Variants in TRAF2 observed in about 807,000 individuals in gnomAD.
TRAF2 encodes the protein TNF receptor associated factor 2.
TRAF2 carries 6 observed loss-of-function variants against 55.6 expected under a neutral mutation model. That is an observed-to-expected ratio of 0.11 (90% CI 0.06 to 0.21). TRAF2 has a LOEUF of 0.21. Ranked by LOEUF, TRAF2 falls within the 10% of genes least tolerant of loss-of-function variation. The probability of loss-of-function intolerance (pLI) is 1.00; values close to 1 mark genes in which losing one functional copy is unlikely to be tolerated. For missense variants in TRAF2, 561 were observed against 684.5 expected (o/e 0.82, Z 2.01); for synonymous variants, 329 against 276.3 (o/e 1.19, Z -1.89).
At position 136,922,840 on chromosome 9, in the gene TRAF2, G is replaced by A. The variant is rs539655505; in HGVS notation, c.1139-1012G>A. Among the ~76,000 whole-genome samples, 49 of 145,016 alleles carry A rather than the reference G, an allele frequency of 3.4e-4. 1 individual carries two copies. The highest frequency in any genetic ancestry group is 1.1e-3 in the South Asian group (5 of 4,420). On this transcript the variant is annotated intron_variant, in intron 9 of 10. Coordinates refer to ENST00000247668, the MANE Select transcript of TRAF2 (RefSeq NM_021138.4). ...GGGAGGATGGGTCTGGGGGCACGTG[G>A]TGGAGGACGAGGATGGGGAGGATGG... is the stretch of plus-strand genomic sequence containing the variant.
At chr9:136,904,659 G>C (rs1469054246) in intron 4 of TRAF2, among the ~76,000 whole-genome samples, 3 of 152,084 alleles carry the variant, frequency 2.0e-5, no homozygotes, top group African/African-American at 7.2e-5. Flanking sequence ...CACCCGCCTC[G>C]GCCTCCCAAA....
At chr9:136,905,911 T>C (rs925215229) in intron 4 of TRAF2, among the ~76,000 whole-genome samples, 1 of 152,168 alleles carries the variant, frequency 6.6e-6, no homozygotes, top group African/African-American at 2.4e-5. Flanking sequence ...GAGACCATCC[T>C]GGCTAACACG....
At chr9:136,903,090 C>T (rs1247534655) in intron 4 of TRAF2, among the ~76,000 whole-genome samples, 1 of 152,136 alleles carries the variant, frequency 6.6e-6, no homozygotes, top group Non-Finnish European at 1.5e-5. Context: ...CCTCAGCCTA[C>T]AGGCGCCTGC....
chr9:136,898,538 C>G, intron 1 of TRAF2, 175 bp from the exon 2 acceptor site: 1 of 974,976 alleles, frequency 1.0e-6, no homozygotes, highest in Non-Finnish European at 1.2e-6. Context: ...GGAGATGGGA[C>G]TAGAGGGTCT....
chr9:136,915,118 G>A (rs942564451), intron 6 of TRAF2, among the ~76,000 whole-genome samples: 13 of 152,274 alleles, frequency 8.5e-5, no homozygotes, highest in African/African-American at 2.9e-4. Flanking sequence ...GGCAGAGGTT[G>A]CGGTGAGCTG....
At chr9:136,905,256 GTCC>G (rs1250234869) in intron 4 of TRAF2, among the ~76,000 whole-genome samples, 1 of 152,206 alleles carries the variant, frequency 6.6e-6, no homozygotes, top group Non-Finnish European at 1.5e-5. Flanking sequence ...TCAGCACATT[GTCC>G]TCCTCTCTCC....
chr9:136,903,531 T>C (rs970101861), intron 4 of TRAF2, among the ~76,000 whole-genome samples: 2 of 104,154 alleles, frequency 1.9e-5, no homozygotes, highest in African/African-American at 4.2e-5. Context: ...GCTGAATAAA[T>C]ATTGATTTTT....
At chr9:136,883,444 G>A (rs538971981), upstream of TRAF2, among the ~76,000 whole-genome samples, 3 of 152,254 alleles carry the variant, frequency 2.0e-5, no homozygotes, top group African/African-American at 7.2e-5. Flanking sequence ...CCATGTTGGA[G>A]GCCACTGTCT....
intron 7 of TRAF2, among the ~76,000 whole-genome samples, chr9:136,919,688 T>TTCTTCCCTTCGTCCCG (rs1394350344): frequency 6.7e-6 from 1 of 149,344 alleles, no homozygotes; most frequent in African/African-American, 2.5e-5. Context: ...CCTTCTTCCC[T>TTCTTCCCTTCGTCCCG]TCATCCCTTC....
At chr9:136,907,244 T>A (rs893257512) in intron 4 of TRAF2, among the ~76,000 whole-genome samples, 1 of 152,232 alleles carries the variant, frequency 6.6e-6, no homozygotes, top group African/African-American at 2.4e-5. Flanking sequence ...GCTTCCCTAG[T>A]CTGCAGTCTG....
intron 1 of TRAF2, among the ~76,000 whole-genome samples, chr9:136,891,887 A>G (rs988133363): frequency 1.3e-5 from 2 of 151,256 alleles, no homozygotes; most frequent in Non-Finnish European, 1.5e-5. Flanking sequence ...GCACTCGGCT[A>G]ATTTTGTGTT....
In TRAF2 at chr9:136,926,009, G is replaced by A. The variant is rs139025947; in HGVS notation, c.*108G>A. On this transcript the variant is annotated 3_prime_UTR_variant, in exon 11 of 11. Transcript: ENST00000247668. ...CACTGTACAAGTGGGCAGGGGCCGCGCTTGGGCGCTTGGGAGGGTGTCGGC... is the reference window on the plus strand; with the variant it reads ...CACTGTACAAGTGGGCAGGGGCCGCACTTGGGCGCTTGGGAGGGTGTCGGC... 1.8e-4 allele frequency: 245 copies of A among 1,338,900 alleles called. No individual in the cohort carries two copies. Among genetic ancestry groups the A allele is most frequent in the African/African-American group, 1.1e-3 (80 of 69,632 alleles). 82.9% of individuals were successfully genotyped at this position (1,338,900 alleles called of 1,614,324 possible).
At chr9:136,890,749 G>A (rs765081545) in intron 1 of TRAF2, among the ~76,000 whole-genome samples, 31 of 152,250 alleles carry the variant, frequency 2.0e-4, no homozygotes, top group Non-Finnish European at 5.9e-5. Context: ...GTGGGCATCA[G>A]TGGGACCTCA....
chr9:136,918,530 TC>T (rs1850301367), intron 7 of TRAF2, among the ~76,000 whole-genome samples: 1 of 151,926 alleles, frequency 6.6e-6, no homozygotes, highest in Admixed American at 6.6e-5. Flanking sequence ...CCTCAAGTGA[TC>T]CTCCTGCCTC....
At chr9:136,890,428 G>C (rs556536317) in intron 1 of TRAF2, 11 of 152,362 alleles carry the variant, frequency 7.2e-5, no homozygotes, top group African/African-American at 2.6e-4. Context: ...GTCCGGCCGC[G>C]CACCAGGTCT....
Position 136,900,380 on chromosome 9 carries a change from G to A in TRAF2, c.268-42G>A, listed in dbSNP as rs566456432. On this transcript the variant is annotated intron_variant, in intron 3 of 10. Transcript: ENST00000247668. ...CTGTGTTCCTTGGTTGCTGCAGGGA[G>A]TCTGGGAGGAGGTTTAACCCGAGGG... 7.6e-6 allele frequency: 11 copies of A among 1,451,684 alleles called. No homozygotes were observed. The African/African-American group carries it at 1.4e-4, about 19-fold the overall frequency. The allele number at this position is 1,451,684 out of a possible 1,614,324, so 89.9% of individuals were successfully genotyped here.
intron 1 of TRAF2, among the ~76,000 whole-genome samples, chr9:136,893,929 T>C (rs994219532): frequency 6.6e-6 from 1 of 151,876 alleles, no homozygotes; most frequent in African/African-American, 2.4e-5. Flanking sequence ...TTTGTATTTT[T>C]ACTAGAGATG....
upstream of TRAF2, among the ~76,000 whole-genome samples, chr9:136,883,194 C>G (rs1849394403): frequency 6.6e-6 from 1 of 151,886 alleles, no homozygotes; most frequent in African/African-American, 2.4e-5. Context: ...GTGTCTGTGC[C>G]AATCTTCTGG....
intron 7 of TRAF2, among the ~76,000 whole-genome samples, chr9:136,916,941 A>C (rs1588440873): frequency 6.6e-6 from 1 of 150,468 alleles, no homozygotes; most frequent in Non-Finnish European, 1.5e-5. Flanking sequence ...CGCCACGACC[A>C]CTCCTTGGCC....
Sources: allele counts gnomAD v4.1 joint callset (sites outside exome capture counted in the v4.1 genomes callset), GRCh38; gene constraint gnomAD v4.1.1; transcripts MANE v1.5; gene names NCBI Gene and HGNC (gene_info 2026-07-23, HGNC 2026-07-21).